Variants in TRAPPC9 observed in about 807,000 individuals in gnomAD.
The protein encoded by TRAPPC9 is IKK2 binding protein.
A neutral mutation model predicts 124.0 loss-of-function variants in TRAPPC9; 83 were observed. That is an observed-to-expected ratio of 0.67 (90% CI 0.56 to 0.80). The LOEUF is 0.80. TRAPPC9 is among the 30% of genes least tolerant of loss of function. TRAPPC9 has a pLI of 0.00. For synonymous variants in TRAPPC9, 638 were observed against 617.5 expected (o/e 1.03, Z -0.49); for missense variants, 1,302 against 1,508.3 (o/e 0.86, Z 2.27).
chr8:140,088,674 G>A (rs919274472), intron 17 of TRAPPC9, among the ~76,000 whole-genome samples: 1 of 152,122 alleles, frequency 6.6e-6, no homozygotes, highest in Non-Finnish European at 1.5e-5. Flanking sequence ...ATACAACTAC[G>A]CTACTTCCTC....
chr8:140,056,371 C>A (rs1179198098), intron 17 of TRAPPC9, among the ~76,000 whole-genome samples: 2 of 151,772 alleles, frequency 1.3e-5, no homozygotes, highest in African/African-American at 4.8e-5. Context: ...GATTCCACCA[C>A]TGCAGTCTAG....
chr8:139,906,688 GCCGCT>G (rs1460491295), intron 20 of TRAPPC9, among the ~76,000 whole-genome samples: 1 of 152,160 alleles, frequency 6.6e-6, no homozygotes. Context: ...TTCTTCCTGT[GCCGCT>G]CCCTTTGTTC....
At chr8:140,271,494 T>C (rs2064879439) in intron 15 of TRAPPC9, among the ~76,000 whole-genome samples, 1 of 151,420 alleles carries the variant, frequency 6.6e-6, no homozygotes, top group African/African-American at 2.4e-5. Flanking sequence ...AGGGTATACA[T>C]AAAGAAGTCC....
intron 20 of TRAPPC9, among the ~76,000 whole-genome samples, chr8:139,903,343 C>T (rs1463351698): frequency 6.6e-6 from 1 of 152,068 alleles, no homozygotes; most frequent in Non-Finnish European, 1.5e-5. Flanking sequence ...GGCGGATGCG[C>T]CTGGTGGGAA....
At chr8:140,210,977 A>G (rs1382565877) in intron 17 of TRAPPC9, among the ~76,000 whole-genome samples, 1 of 151,870 alleles carries the variant, frequency 6.6e-6, no homozygotes, top group Non-Finnish European at 1.5e-5. Context: ...ACACAGCTTG[A>G]TTAAGAAGCA....
intron 15 of TRAPPC9, among the ~76,000 whole-genome samples, chr8:140,270,779 A>G (rs1588057624): frequency 6.6e-6 from 1 of 152,270 alleles, no homozygotes; most frequent in East Asian, 1.9e-4. Flanking sequence ...AGATGGCAGG[A>G]GCATCCAGGA....
At chr8:139,998,889 A>C (rs1420833187) in intron 18 of TRAPPC9, among the ~76,000 whole-genome samples, 1 of 152,218 alleles carries the variant, frequency 6.6e-6, no homozygotes, top group Non-Finnish European at 1.5e-5. Flanking sequence ...TTGAGATTCC[A>C]CCAAGTGATA....
chr8:140,189,304 C>T lies in TRAPPC9; in HGVS notation c.2556+32155G>A, dbSNP rs529215992. Among the ~76,000 whole-genome samples, 3 of 152,288 alleles carry T rather than the reference C, an allele frequency of 2.0e-5. No individual in the cohort carries two copies. In the East Asian group the frequency reaches 5.8e-4, roughly 29 times the overall value. ...CCGCATGGCCACAGAAGTGACCGCCCTAAAAGATCAGATACACAACTCCTT... is the reference window on the plus strand; with the variant it reads ...CCGCATGGCCACAGAAGTGACCGCCTTAAAAGATCAGATACACAACTCCTT... On this transcript the variant is annotated intron_variant, in intron 17 of 22. Transcript: ENST00000438773.
intron 17 of TRAPPC9, among the ~76,000 whole-genome samples, chr8:140,142,077 T>C (rs2061390035): frequency 6.6e-6 from 1 of 152,218 alleles, no homozygotes; most frequent in East Asian, 1.9e-4. Context: ...GCAGCATTCA[T>C]GCTGGGGCAG....
At chr8:139,960,470 T>C (rs1835305697) in intron 19 of TRAPPC9, among the ~76,000 whole-genome samples, 1 of 152,088 alleles carries the variant, frequency 6.6e-6, no homozygotes, top group Non-Finnish European at 1.5e-5. Flanking sequence ...CTCCTTGGGT[T>C]CTCCCGCCTC....
intron 20 of TRAPPC9, among the ~76,000 whole-genome samples, chr8:139,899,373 T>A (rs1017522644): frequency 1.3e-5 from 2 of 152,008 alleles, no homozygotes; most frequent in African/African-American, 4.8e-5. Flanking sequence ...ATTATTACAA[T>A]AAAGTAAGCT....
In TRAPPC9 at chr8:140,054,502, G is replaced by A. The variant is rs192139783; in HGVS notation, c.2557-30423C>T. 2.8e-3 allele frequency among the ~76,000 whole-genome samples: 422 copies of A among 152,034 alleles called. 5 individuals are homozygous for A. The highest frequency in any genetic ancestry group is 6.8e-3 in the Middle Eastern group (2 of 294). On this transcript the variant is annotated intron_variant, in intron 17 of 22. Transcript: ENST00000438773. ...CCACAACCTATCTCTACACCTTGAG[G>A]AATGAGAAAAAAACAAACTATGCCC...
intron 17 of TRAPPC9, among the ~76,000 whole-genome samples, chr8:140,101,814 A>G (rs1214707747): frequency 6.6e-6 from 1 of 151,626 alleles, no homozygotes; most frequent in Non-Finnish European, 1.5e-5. Context: ...AGCTGGGATT[A>G]CAGGTGTGAG....
At chr8:139,767,235 G>C (rs150479327) in intron 21 of TRAPPC9, among the ~76,000 whole-genome samples, 1 of 152,340 alleles carries the variant, frequency 6.6e-6, no homozygotes, top group South Asian at 2.1e-4. Flanking sequence ...ACATCACACA[G>C]CTAGACAGGG....
intron 18 of TRAPPC9, among the ~76,000 whole-genome samples, chr8:140,012,603 C>T (rs1022575319): frequency 6.6e-6 from 1 of 152,242 alleles, no homozygotes; most frequent in African/African-American, 2.4e-5. Context: ...CAGTCAGCCT[C>T]CAAAACCCAG....
chr8:139,852,831 T>C (rs1827572150), intron 21 of TRAPPC9, among the ~76,000 whole-genome samples: 1 of 152,180 alleles, frequency 6.6e-6, no homozygotes, highest in African/African-American at 2.4e-5. Context: ...CATGATCCTT[T>C]ATTCAAGAGG....
At chr8:139,761,319 C>T (rs1432373180) in intron 21 of TRAPPC9, among the ~76,000 whole-genome samples, 8 of 152,162 alleles carry the variant, frequency 5.3e-5, no homozygotes, top group African/African-American at 1.7e-4. Context: ...CACATTAGAT[C>T]GACGTCTGAA....
intron 17 of TRAPPC9, among the ~76,000 whole-genome samples, chr8:140,052,849 G>A (rs1302675590): frequency 6.6e-6 from 1 of 151,710 alleles, no homozygotes; most frequent in East Asian, 1.9e-4. Flanking sequence ...GGAGAGGCTG[G>A]GATAGGAGAA....
At chr8:140,307,795 TG>T (rs1333970845) in intron 10 of TRAPPC9, among the ~76,000 whole-genome samples, 5 of 152,226 alleles carry the variant, frequency 3.3e-5, no homozygotes, top group African/African-American at 1.2e-4. Flanking sequence ...TCTCTAGACC[TG>T]CCCTGTCTCC....
Sources: allele counts gnomAD v4.1 joint callset (sites outside exome capture counted in the v4.1 genomes callset), GRCh38; gene constraint gnomAD v4.1.1; transcripts MANE v1.5; gene names NCBI Gene and HGNC (gene_info 2026-07-23, HGNC 2026-07-21).